Variants in ZHX2 observed in about 807,000 individuals in gnomAD.
ZHX2 encodes the protein zinc fingers and homeoboxes 2.
A neutral mutation model predicts 21.9 loss-of-function variants in ZHX2; 6 were observed. The observed-to-expected ratio is 0.27, with a 90% CI of 0.15 to 0.54. The LOEUF is 0.54. Ranked by LOEUF, ZHX2 falls within the 20% of genes least tolerant of loss-of-function variation. ZHX2 has a pLI of 0.95. For synonymous variants in ZHX2, 434 were observed against 437.1 expected (o/e 0.99, Z 0.09); for missense variants, 908 against 1,090.7 (o/e 0.83, Z 2.36).
intron 1 of ZHX2, among the ~76,000 whole-genome samples, chr8:122,797,064 A>C (rs1189486881): frequency 6.6e-6 from 1 of 152,210 alleles, no homozygotes; most frequent in Non-Finnish European, 1.5e-5. Context: ...CTTCAGGTGC[A>C]GGAAACCTCT....
chr8:122,786,313 G>T (rs369703110), intron 1 of ZHX2, among the ~76,000 whole-genome samples: 22 of 152,162 alleles, frequency 1.4e-4, no homozygotes, highest in African/African-American at 5.3e-4. Flanking sequence ...CTTCACCATT[G>T]CTTTAAATCA....
At chr8:122,825,290 C>T (rs918833620) in intron 1 of ZHX2, among the ~76,000 whole-genome samples, 5 of 152,168 alleles carry the variant, frequency 3.3e-5, no homozygotes, top group Non-Finnish European at 7.3e-5. Context: ...TGTCACAGTA[C>T]TTGTCACATT....
intron 1 of ZHX2, among the ~76,000 whole-genome samples, chr8:122,821,094 T>A (rs942799939): frequency 1.3e-5 from 2 of 152,072 alleles, no homozygotes; most frequent in Non-Finnish European, 2.9e-5. Flanking sequence ...GCCGTTCACA[T>A]CTGGGTAGCA....
At chr8:122,857,022 G>A (rs544165910) in intron 1 of ZHX2, among the ~76,000 whole-genome samples, 2 of 151,924 alleles carry the variant, frequency 1.3e-5, no homozygotes, top group South Asian at 2.1e-4. Flanking sequence ...GGGGTCCACC[G>A]TGCCCCTCCC....
At chr8:122,825,838 A>G (rs1818253056) in intron 1 of ZHX2, among the ~76,000 whole-genome samples, 1 of 152,220 alleles carries the variant, frequency 6.6e-6, no homozygotes, top group Non-Finnish European at 1.5e-5. Flanking sequence ...ACGCTGCACC[A>G]ACCCCTTTGG....
At chr8:122,818,298 TA>T (rs61376383) in intron 1 of ZHX2, among the ~76,000 whole-genome samples, 1,655 of 144,848 alleles carry the variant, frequency 0.011, 31 homozygotes, top group African/African-American at 0.039. Context: ...TAAGGAAAAT[TA>T]AAAAAAAAAA....
chr8:122,957,379 C>T (rs1813333592), intron 3 of ZHX2, among the ~76,000 whole-genome samples: 1 of 151,874 alleles, frequency 6.6e-6, no homozygotes, highest in Non-Finnish European at 1.5e-5. Context: ...AGAAAACATC[C>T]CTAAACAGGA....
chr8:122,875,132 TATATATATATATATA>T lies in ZHX2; in HGVS notation c.-220+11594_-220+11608del, dbSNP rs1819534932. ...TTTTAGAGGAAGGAAAACTCTGTTA[TATATATATATATATA>T]TATATATATATATATATATATATAT... On this transcript the variant is annotated intron_variant, in intron 2 of 3. Coordinates refer to ENST00000314393, the MANE Select transcript of ZHX2 (RefSeq NM_014943.5). Among the ~76,000 whole-genome samples the T allele has an allele frequency of 2.9e-3, 281 of 96,712 alleles. 31 individuals carry two copies. Among genetic ancestry groups the T allele is most frequent in the African/African-American group, 3.6e-3 (86 of 24,210 alleles). 63.4% of individuals were successfully genotyped at this position (96,712 alleles called of 152,430 possible). A position where few individuals can be genotyped will look rare whatever the true frequency, so the allele number is the denominator to read the frequency against.
intron 1 of ZHX2, among the ~76,000 whole-genome samples, chr8:122,860,097 T>C (rs1419385686): frequency 1.3e-5 from 2 of 152,158 alleles, no homozygotes; most frequent in Non-Finnish European, 2.9e-5. Context: ...TTTACAATCA[T>C]GGTGGAAGGG....
chr8:122,853,271 G>A (rs1434150464), intron 1 of ZHX2, among the ~76,000 whole-genome samples: 1 of 152,056 alleles, frequency 6.6e-6, no homozygotes, highest in Non-Finnish European at 1.5e-5. Context: ...TTTTTCTGGG[G>A]GCTTTTCACA....
intron 3 of ZHX2, among the ~76,000 whole-genome samples, chr8:122,956,236 G>C (rs933121810): frequency 6.6e-6 from 1 of 152,186 alleles, no homozygotes; most frequent in Admixed American, 6.5e-5. Context: ...ATAGGGTTCA[G>C]TTCCATTCAA....
chr8:122,785,694 A>G (rs1817379949), intron 1 of ZHX2, among the ~76,000 whole-genome samples: 1 of 152,182 alleles, frequency 6.6e-6, no homozygotes, highest in Non-Finnish European at 1.5e-5. Flanking sequence ...GACGGGGTGA[A>G]AGGAGGAATG....
chr8:122,939,679 AACAG>A, intron 2 of ZHX2, among the ~76,000 whole-genome samples: 1 of 152,322 alleles, frequency 6.6e-6, no homozygotes, highest in South Asian at 2.1e-4. Context: ...AATCTACTAA[AACAG>A]AGAGGCGAAG....
At chr8:122,838,524 G>A (rs1398931576) in intron 1 of ZHX2, among the ~76,000 whole-genome samples, 1 of 151,062 alleles carries the variant, frequency 6.6e-6, no homozygotes, top group Non-Finnish European at 1.5e-5. Context: ...TTAAATACGT[G>A]GTAGAAACCT....
chr8:122,869,721 C>T (rs1461025566), intron 2 of ZHX2, among the ~76,000 whole-genome samples: 4 of 152,190 alleles, frequency 2.6e-5, no homozygotes, highest in Non-Finnish European at 4.4e-5. Context: ...GCAGAGCCAT[C>T]GAGAGTGTGC....
intron 3 of ZHX2, among the ~76,000 whole-genome samples, chr8:122,964,230 G>T (rs1813525144): frequency 6.6e-6 from 1 of 152,096 alleles, no homozygotes; most frequent in South Asian, 2.1e-4. Context: ...CCGGTTTTCA[G>T]GGGAACTACT....
chr8:122,783,052 G>T (rs1272433064), intron 1 of ZHX2, among the ~76,000 whole-genome samples: 4 of 152,312 alleles, frequency 2.6e-5, no homozygotes, highest in African/African-American at 9.6e-5. Flanking sequence ...CCTGGGAGGC[G>T]GAGGAGGAGG....
intron 2 of ZHX2, among the ~76,000 whole-genome samples, chr8:122,929,957 C>G (rs905370219): frequency 6.6e-6 from 1 of 152,154 alleles, no homozygotes; most frequent in Non-Finnish European, 1.5e-5. Context: ...TTCAGCAGGC[C>G]GGCTCCATGC....
intron 2 of ZHX2, among the ~76,000 whole-genome samples, chr8:122,877,037 A>T (rs1459889442): frequency 6.6e-6 from 1 of 152,198 alleles, no homozygotes; most frequent in Non-Finnish European, 1.5e-5. Flanking sequence ...GAAAGCAAAA[A>T]TTAAGGACAC....
Sources: allele counts gnomAD v4.1 joint callset (sites outside exome capture counted in the v4.1 genomes callset), GRCh38; gene constraint gnomAD v4.1.1; transcripts MANE v1.5; gene names NCBI Gene and HGNC (gene_info 2026-07-23, HGNC 2026-07-21).